Variants in WWOX observed in about 807,000 individuals in gnomAD.
WWOX encodes WW domain containing oxidoreductase.
In WWOX, 69 loss-of-function variants were observed where a neutral mutation model predicts 46.2. The observed-to-expected ratio is 1.49, with a 90% CI of 1.23 to 1.82. WWOX has a LOEUF of 1.82. WWOX is among the 40% of genes most tolerant of loss of function. The probability of loss-of-function intolerance (pLI) is 0.00; values close to 1 mark genes in which losing one functional copy is unlikely to be tolerated. For synonymous variants in WWOX, 359 were observed against 202.6 expected (o/e 1.77, Z -6.56); for missense variants, 919 against 542.6 (o/e 1.69, Z -6.89).
intron 8 of WWOX, among the ~76,000 whole-genome samples, chr16:79,012,721 A>C (rs2047336156): frequency 6.6e-6 from 1 of 152,166 alleles, no homozygotes; most frequent in Admixed American, 6.5e-5. Context: ...ACAAAGCAGG[A>C]CGTATACGTG....
At chr16:78,556,836 A>G (rs1452680920) in intron 8 of WWOX, among the ~76,000 whole-genome samples, 4 of 151,978 alleles carry the variant, frequency 2.6e-5, no homozygotes, top group Non-Finnish European at 4.4e-5. Context: ...CTCGCACCTC[A>G]GCCTCCCAAG....
At chr16:78,699,200 C>T (rs1177461828) in intron 8 of WWOX, among the ~76,000 whole-genome samples, 1 of 152,116 alleles carries the variant, frequency 6.6e-6, no homozygotes, top group Non-Finnish European at 1.5e-5. Context: ...GCCATAGTTT[C>T]CCAACCTCTG....
At chr16:78,888,698 C>G (rs4888872) in intron 8 of WWOX, among the ~76,000 whole-genome samples, 151,249 of 152,324 alleles carry the variant, frequency 0.99, 75,094 homozygotes, top group Middle Eastern at 1. Flanking sequence ...ATGTAGAATC[C>G]CTTTGCTCAT....
At chr16:78,992,983 C>T (rs928110970) in intron 8 of WWOX, among the ~76,000 whole-genome samples, 5 of 152,068 alleles carry the variant, frequency 3.3e-5, no homozygotes, top group Non-Finnish European at 7.4e-5. Flanking sequence ...GACTTCCTCC[C>T]TCTCTTTCCA....
At chr16:78,551,352 T>G (rs1423813929) in intron 8 of WWOX, 1 of 152,196 alleles carries the variant, frequency 6.6e-6, no homozygotes, top group African/African-American at 2.4e-5. Context: ...AAGGAGGATG[T>G]TGATCTCCTA....
chr16:78,484,174 C>T (rs1179009911), intron 8 of WWOX, among the ~76,000 whole-genome samples: 2 of 152,162 alleles, frequency 1.3e-5, no homozygotes, highest in Non-Finnish European at 2.9e-5. Flanking sequence ...AGGAGCTGCT[C>T]TTAATGATTA....
intron 8 of WWOX, among the ~76,000 whole-genome samples, chr16:78,598,140 C>T (rs1327425040): frequency 6.6e-6 from 1 of 152,120 alleles, no homozygotes; most frequent in African/African-American, 2.4e-5. Flanking sequence ...TTTCTACAAG[C>T]TGAGGGAGAA....
chr16:78,782,319 C>T (rs1167149916), intron 8 of WWOX, among the ~76,000 whole-genome samples: 1 of 152,188 alleles, frequency 6.6e-6, no homozygotes, highest in Non-Finnish European at 1.5e-5. Context: ...CTTGCTCCCT[C>T]TCCATCCTCT....
chr16:79,126,329 G>T (rs1385642557), intron 8 of WWOX, among the ~76,000 whole-genome samples: 5 of 152,156 alleles, frequency 3.3e-5, no homozygotes, highest in Non-Finnish European at 5.9e-5. Context: ...ATTTGGCTCT[G>T]TGTCCCAACT....
chr16:79,117,704 T>G (rs2049544986), intron 8 of WWOX, among the ~76,000 whole-genome samples: 1 of 152,264 alleles, frequency 6.6e-6, no homozygotes, highest in Non-Finnish European at 1.5e-5. Flanking sequence ...GAAAACTTGC[T>G]GCAGCTTCTG....
intron 8 of WWOX, among the ~76,000 whole-genome samples, chr16:78,580,877 G>A (rs191499926): frequency 1.1e-3 from 175 of 152,224 alleles, no homozygotes; most frequent in African/African-American, 3.9e-3. Flanking sequence ...ATTTTCTTTG[G>A]TAGTGTCTGC....
At chr16:79,079,367 G>T (rs956558744) in intron 8 of WWOX, among the ~76,000 whole-genome samples, 1 of 152,060 alleles carries the variant, frequency 6.6e-6, no homozygotes, top group African/African-American at 2.4e-5. Context: ...AAATATGACA[G>T]AAGTGTCACC....
Position 78,527,545 on chromosome 16 carries a change from C to T in WWOX, c.1056+94793C>T, listed in dbSNP as rs575956980. On this transcript the variant is annotated intron_variant, in intron 8 of 8. Transcript: ENST00000566780. The stretch of plus-strand genomic sequence containing the variant: ...CTGACTTCAAGTGATGAGACTGCCT[C>T]AGCCAGCCAAAGTGCTGGGATTACA... Among the ~76,000 whole-genome samples, 102 of 152,248 alleles carry T rather than the reference C, an allele frequency of 6.7e-4. 2 individuals carry two copies. The highest frequency in any genetic ancestry group is 2.3e-3 in the African/African-American group (96 of 41,552).
chr16:78,505,463 AC>A (rs976429048), intron 8 of WWOX, among the ~76,000 whole-genome samples: 1 of 152,052 alleles, frequency 6.6e-6, no homozygotes, highest in East Asian at 1.9e-4. Flanking sequence ...AAATCATCTT[AC>A]TTTTTTAACG....
chr16:78,254,499 C>CTTTTTTTTTTTTTTTTTT (rs1597405923), intron 5 of WWOX, among the ~76,000 whole-genome samples: 1 of 52,138 alleles, frequency 1.9e-5, no homozygotes, highest in African/African-American at 1.2e-4. Context: ...TCTTTTCTTT[C>CTTTTTTTTTTTTTTTTTT]TTGTTTTTTT....
intron 5 of WWOX, among the ~76,000 whole-genome samples, chr16:78,331,523 G>C (rs905671243): frequency 6.6e-6 from 1 of 152,142 alleles, no homozygotes; most frequent in Non-Finnish European, 1.5e-5. Flanking sequence ...ATTTTGCTTT[G>C]ACTTCCTTGT....
chr16:79,084,089 A>G (rs2150586786), intron 8 of WWOX, among the ~76,000 whole-genome samples: 1 of 152,230 alleles, frequency 6.6e-6, no homozygotes, highest in South Asian at 2.1e-4. Context: ...GGTGGTGGAG[A>G]GTGGCTGAGA....
At chr16:79,036,921 A>G (rs930882339) in intron 8 of WWOX, among the ~76,000 whole-genome samples, 1 of 152,178 alleles carries the variant, frequency 6.6e-6, no homozygotes, top group Non-Finnish European at 1.5e-5. Flanking sequence ...AGTGGTTCTG[A>G]AGATACGTAT....
At chr16:78,871,552 G>T (rs1310190431) in intron 8 of WWOX, among the ~76,000 whole-genome samples, 1 of 152,188 alleles carries the variant, frequency 6.6e-6, no homozygotes, top group African/African-American at 2.4e-5. Context: ...TGACTCTGGA[G>T]CTGTGGTGAC....
Sources: allele counts gnomAD v4.1 joint callset (sites outside exome capture counted in the v4.1 genomes callset), GRCh38; gene constraint gnomAD v4.1.1; transcripts MANE v1.5; gene names NCBI Gene and HGNC (gene_info 2026-07-23, HGNC 2026-07-21).